MMP26: variants seen among roughly 807,000 people sequenced by gnomAD.
MMP26 encodes the protein matrix metallopeptidase 26.
MMP26 carries 33 observed loss-of-function variants against 31.0 expected under a neutral mutation model. The ratio of observed to expected loss-of-function variants is 1.06; its 90% CI spans 0.81 to 1.42. The LOEUF (loss-of-function observed/expected upper bound fraction) is 1.42. Among genes scored for constraint, MMP26 ranks in the 40% most tolerant of loss-of-function variants. The pLI, the probability that MMP26 is intolerant of heterozygous loss-of-function variation, is 0.00. For synonymous variants in MMP26, 122 were observed against 114.9 expected, an observed-to-expected ratio of 1.06 and a Z score of -0.40; for missense variants, 347 against 316.1, an observed-to-expected ratio of 1.10 and a Z score of -0.74.
intron 2 of MMP26, chr11:4,907,417 G>A: frequency 6.2e-7 from 1 of 1,613,822 alleles, no homozygotes; most frequent in Non-Finnish European, 8.5e-7. Context: ...TTCTGATTGG[G>A]ATCCCAGGAC....
chr11:4,809,843 A>G (rs568375726), intron 2 of MMP26, among the ~76,000 whole-genome samples: 1 of 152,138 alleles, frequency 6.6e-6, no homozygotes, highest in African/African-American at 2.4e-5. Context: ...TGGGAGCTCT[A>G]TGACTCCTAA....
chr11:4,956,564 C>T (rs1846446348), intron 2 of MMP26, among the ~76,000 whole-genome samples: 2 of 152,288 alleles, frequency 1.3e-5, no homozygotes, highest in East Asian at 3.9e-4. Flanking sequence ...TATTTCTCCT[C>T]TGCACAAGGC....
rs11823886 is a variant in MMP26 at position 4,880,949 on chromosome 11, G to A, written c.-144-107119G>A. 7.6e-3 allele frequency among the ~76,000 whole-genome samples: 1,150 copies of A among 152,238 alleles called. 10 individuals are homozygous for A. The highest frequency in any genetic ancestry group is 0.026 in the African/African-American group (1,095 of 41,546). On this transcript the variant is annotated intron_variant, in intron 2 of 7. Coordinates refer to ENST00000380390, the MANE Select transcript of MMP26 (RefSeq NM_021801.5). ...GGGATGTTGACCTTTGGGTCACTCT[G>A]TTATTGAGTTGAGTGAGTGTTATTC...
intron 2 of MMP26, among the ~76,000 whole-genome samples, chr11:4,801,050 T>C (rs927206729): frequency 8.5e-5 from 13 of 152,196 alleles, no homozygotes; most frequent in African/African-American, 2.7e-4. Flanking sequence ...ACTTAGTTCA[T>C]TTCTTCACTT....
chr11:4,818,818 C>A (rs1427178091), intron 2 of MMP26, among the ~76,000 whole-genome samples: 1 of 151,998 alleles, frequency 6.6e-6, no homozygotes. Flanking sequence ...GCTTTGGAGT[C>A]TTTCATTTTA....
At chr11:4,893,400 T>C (rs1564801774) in intron 2 of MMP26, among the ~76,000 whole-genome samples, 1 of 152,116 alleles carries the variant, frequency 6.6e-6, no homozygotes, top group Non-Finnish European at 1.5e-5. Flanking sequence ...ACAACCACAC[T>C]CCTTTTAGCA....
chr11:4,792,659 G>C (rs1469646883), intron 2 of MMP26, among the ~76,000 whole-genome samples: 1 of 152,172 alleles, frequency 6.6e-6, no homozygotes, highest in Non-Finnish European at 1.5e-5. Flanking sequence ...AAATCCGATA[G>C]AGAGTTAAAA....
intron 2 of MMP26, chr11:4,881,740 T>C: frequency 1.5e-6 from 1 of 676,170 alleles, no homozygotes; most frequent in Admixed American, 2.8e-5. Context: ...CTAGATATAC[T>C]ATTTAACCTT....
At chr11:4,873,025 G>A (rs548026166) in intron 2 of MMP26, among the ~76,000 whole-genome samples, 6 of 152,088 alleles carry the variant, frequency 3.9e-5, no homozygotes, top group African/African-American at 1.4e-4. Context: ...GTCTTGGAAG[G>A]AAAAATAAAA....
intron 2 of MMP26, among the ~76,000 whole-genome samples, chr11:4,970,504 C>T (rs549815937): frequency 6.6e-6 from 1 of 152,256 alleles, no homozygotes; most frequent in Admixed American, 6.5e-5. Flanking sequence ...CTTGAAAGCT[C>T]TTGATGTGTA....
At chr11:4,883,666 G>T (rs371405790) in intron 2 of MMP26, among the ~76,000 whole-genome samples, 2 of 151,842 alleles carry the variant, frequency 1.3e-5, no homozygotes, top group African/African-American at 4.8e-5. Context: ...TTGTTTCTTG[G>T]GTTGTTAATT....
chr11:4,846,467 A>G (rs1358223498), intron 2 of MMP26, among the ~76,000 whole-genome samples: 3 of 152,316 alleles, frequency 2.0e-5, no homozygotes, highest in Middle Eastern at 3.4e-3. Flanking sequence ...AATAGAAAGA[A>G]TGAATAAGAC....
intron 2 of MMP26, chr11:4,909,583 A>G (rs1385791287): frequency 1.3e-5 from 2 of 152,170 alleles, no homozygotes; most frequent in Non-Finnish European, 2.9e-5. Flanking sequence ...ATGGAAGTAA[A>G]TACATATTTT....
chr11:4,765,362 T>G (rs916845931), intron 1 of MMP26, among the ~76,000 whole-genome samples: 1 of 152,140 alleles, frequency 6.6e-6, no homozygotes, highest in African/African-American at 2.4e-5. Flanking sequence ...TACCCAAACT[T>G]CCTTCCTTCC....
intron 2 of MMP26, among the ~76,000 whole-genome samples, chr11:4,958,610 A>T (rs927518688): frequency 1.3e-5 from 2 of 151,994 alleles, no homozygotes; most frequent in African/African-American, 4.8e-5. Flanking sequence ...TCTATCATCT[A>T]TCTGTATCTA....
At chr11:4,803,573 CATG>C (rs771213337) in intron 2 of MMP26, 12 of 1,613,980 alleles carry the variant, frequency 7.4e-6, no homozygotes, top group Middle Eastern at 1.6e-4. Flanking sequence ...CGGGGCACAT[CATG>C]GCCAAAGCGG....
chr11:4,726,251 TGG>T (rs1848098101), intron 1 of MMP26, among the ~76,000 whole-genome samples: 1 of 151,744 alleles, frequency 6.6e-6, no homozygotes, highest in Non-Finnish European at 1.5e-5. Flanking sequence ...CCGAGGAGAA[TGG>T]ATCACTTGAG....
At chr11:4,769,429 CA>C (rs1848680348) in intron 2 of MMP26, 6 of 1,613,596 alleles carry the variant, frequency 3.7e-6, no homozygotes, top group Non-Finnish European at 4.2e-6. Flanking sequence ...GCTTAAGGAG[CA>C]AAAGTAGTGG....
intron 2 of MMP26, among the ~76,000 whole-genome samples, chr11:4,958,050 A>G (rs192377523): frequency 3.3e-5 from 5 of 152,280 alleles, no homozygotes; most frequent in Admixed American, 6.5e-5. Flanking sequence ...ACTCCCAACA[A>G]GAGTTTAACT....
Sources: gnomAD v4.1 joint callset for allele counts (sites outside exome capture counted in the v4.1 genomes callset) on GRCh38, gnomAD v4.1.1 for gene constraint, MANE v1.5 for transcripts, NCBI Gene and HGNC (gene_info 2026-07-23, HGNC 2026-07-21) for gene names.